The following PIK3C2G variants were observed in gnomAD, a reference collection of about 807,000 sequenced individuals.
PIK3C2G encodes the protein phosphatidylinositol-4-phosphate 3-kinase catalytic subunit type 2 gamma, also known as phosphatidylinositol 3-kinase C2 domain-containing subunit gamma.
Under a neutral mutation model 181.1 loss-of-function variants are expected in PIK3C2G, and 168 were observed. That is an observed-to-expected ratio of 0.93 (90% CI 0.82 to 1.05). The LOEUF (loss-of-function observed/expected upper bound fraction) is 1.05. PIK3C2G is among the 50% of genes least tolerant of loss of function. PIK3C2G has a pLI of 0.00. For synonymous variants in PIK3C2G, 573 were observed against 592.2 expected (o/e 0.97, Z 0.47); for missense variants, 1,869 against 1,732.8 (o/e 1.08, Z -1.40).
At chr12:18,348,625 A>C (rs986734057) in intron 11 of PIK3C2G, among the ~76,000 whole-genome samples, 1 of 152,188 alleles carries the variant, frequency 6.6e-6, no homozygotes, top group Non-Finnish European at 1.5e-5. Flanking sequence ...TTCCTGTCTT[A>C]AGGAATCCAT....
chr12:18,701,909 C>T, the PIK3C2G span: 1 of 1,302,916 alleles, frequency 7.7e-7, no homozygotes, highest in Non-Finnish European at 1.0e-6. Flanking sequence ...CATTTTTTCC[C>T]ATACCCCTAT....
intron 16 of PIK3C2G, among the ~76,000 whole-genome samples, chr12:18,408,832 T>C (rs908219304): frequency 3.9e-5 from 6 of 152,116 alleles, no homozygotes; most frequent in African/African-American, 1.2e-4. Context: ...GAAATGCAAA[T>C]AAAAACCATA....
chr12:18,297,188 C>A (rs12370979), intron 5 of PIK3C2G, among the ~76,000 whole-genome samples: 1 of 151,962 alleles, frequency 6.6e-6, no homozygotes, highest in Admixed American at 6.6e-5. Flanking sequence ...ACAATTGTAC[C>A]TTCACCTATA....
At chr12:18,522,032 C>A (rs1430231506) in intron 24 of PIK3C2G, among the ~76,000 whole-genome samples, 2 of 152,202 alleles carry the variant, frequency 1.3e-5, no homozygotes, top group Non-Finnish European at 2.9e-5. Context: ...GCCCACTGCA[C>A]CATACTGCTC....
chr12:18,320,894 G>A, intron 6 of PIK3C2G, 68 bp from the exon 7 acceptor site: 8 of 796,742 alleles, frequency 1.0e-5, no homozygotes, highest in South Asian at 4.8e-5. Flanking sequence ...AGGAAGTTAC[G>A]GACCTATTTT....
chr12:18,315,133 GTT>G (rs1950804670), intron 6 of PIK3C2G, among the ~76,000 whole-genome samples: 1 of 152,024 alleles, frequency 6.6e-6, no homozygotes, highest in Non-Finnish European at 1.5e-5. Flanking sequence ...TCCAGTGGAT[GTT>G]TTCTTTTTTT....
At chr12:18,376,122 G>A (rs995211182) in intron 13 of PIK3C2G, among the ~76,000 whole-genome samples, 4 of 152,150 alleles carry the variant, frequency 2.6e-5, no homozygotes, top group Admixed American at 6.5e-5. Flanking sequence ...CTGGGGCACT[G>A]CATAGTAGAG....
At chr12:18,542,110 G>C (rs1262719033) in intron 25 of PIK3C2G, among the ~76,000 whole-genome samples, 1 of 151,756 alleles carries the variant, frequency 6.6e-6, no homozygotes, top group Non-Finnish European at 1.5e-5. Context: ...TAACCAAGCA[G>C]GTGTGAATTC....
chr12:18,267,980 C>T (rs1421003867), intron 1 of PIK3C2G, among the ~76,000 whole-genome samples: 1 of 152,160 alleles, frequency 6.6e-6, no homozygotes, highest in African/African-American at 2.4e-5. Context: ...GCCCTCGTTG[C>T]TACTGAAAGG....
downstream of PIK3C2G, among the ~76,000 whole-genome samples, chr12:18,650,872 T>G (rs1950483188): frequency 6.6e-6 from 1 of 151,138 alleles, no homozygotes; most frequent in African/African-American, 2.4e-5. Context: ...TCCAACTTAC[T>G]GCTATCATCC....
At chr12:18,435,983 C>T (rs889429341) in intron 18 of PIK3C2G, among the ~76,000 whole-genome samples, 4 of 151,646 alleles carry the variant, frequency 2.6e-5, no homozygotes, top group African/African-American at 4.8e-5. Context: ...AAAAAAAAAC[C>T]CTGATTCAAC....
intron 15 of PIK3C2G, among the ~76,000 whole-genome samples, chr12:18,397,369 A>G (rs915106391): frequency 6.6e-6 from 1 of 152,058 alleles, no homozygotes. Flanking sequence ...TAGGCAAGCC[A>G]CATTCTGAGA....
At chr12:18,700,698 A>AT in the PIK3C2G span, among the ~76,000 whole-genome samples, 1 of 152,090 alleles carries the variant, frequency 6.6e-6, no homozygotes, top group East Asian at 1.9e-4. Flanking sequence ...ATATCAAGTC[A>AT]TTTTTTAAAC....
At chr12:18,713,249 G>A in the PIK3C2G span, among the ~76,000 whole-genome samples, 1 of 152,004 alleles carries the variant, frequency 6.6e-6, no homozygotes, top group Non-Finnish European at 1.5e-5. Flanking sequence ...TCCATACAAG[G>A]CTTGGTTTTC....
downstream of PIK3C2G, among the ~76,000 whole-genome samples, chr12:18,652,764 G>T (rs1170855296): frequency 6.6e-6 from 1 of 151,970 alleles, no homozygotes; most frequent in Non-Finnish European, 1.5e-5. Flanking sequence ...TATTTTATTT[G>T]TTCCCTACTA....
the PIK3C2G span, chr12:18,719,341 T>C: frequency 1.0e-5 from 7 of 689,958 alleles, no homozygotes; most frequent in Non-Finnish European, 1.5e-5. Flanking sequence ...GAGTCTTCTT[T>C]TTATTGTGCA....
At chr12:18,473,402 C>A (rs1048314959) in intron 18 of PIK3C2G, among the ~76,000 whole-genome samples, 1 of 152,158 alleles carries the variant, frequency 6.6e-6, no homozygotes, top group Admixed American at 6.5e-5. Flanking sequence ...TATCAAAAGA[C>A]AAAATGCCCT....
chr12:18,704,680 T>C, the PIK3C2G span, among the ~76,000 whole-genome samples: 1 of 151,966 alleles, frequency 6.6e-6, no homozygotes, highest in Non-Finnish European at 1.5e-5. Context: ...GTCCTGATGG[T>C]AGATGTGGAC....
intron 1 of PIK3C2G, among the ~76,000 whole-genome samples, chr12:18,262,575 T>C (rs1948293878): frequency 7.2e-6 from 1 of 138,734 alleles, no homozygotes; most frequent in Non-Finnish European, 1.6e-5. Flanking sequence ...CATAAGAAAA[T>C]AGTGAGCATA....
Sources: allele counts gnomAD v4.1 joint callset (sites outside exome capture counted in the v4.1 genomes callset), GRCh38; gene constraint gnomAD v4.1.1; transcripts MANE v1.5; gene names NCBI Gene and HGNC (gene_info 2026-07-23, HGNC 2026-07-21).